RLF: variants seen among roughly 807,000 people sequenced by gnomAD.
RLF encodes the protein RLF zinc finger, also known as zinc finger protein Rlf.
RLF carries 7 observed loss-of-function variants against 162.9 expected under a neutral mutation model. The observed-to-expected ratio is 0.04, with a 90% CI of 0.02 to 0.08. The LOEUF (loss-of-function observed/expected upper bound fraction) is 0.08, where lower values mean the gene tolerates loss of function less well. Among genes scored for constraint, RLF ranks in the 10% least tolerant of loss-of-function variants. The probability of loss-of-function intolerance (pLI) is 1.00; values close to 1 mark genes in which losing one functional copy is unlikely to be tolerated. For missense variants in RLF, 1,664 were observed against 2,244.7 expected (o/e 0.74, Z 5.23); for synonymous variants, 782 against 791.5 (o/e 0.99, Z 0.20).
At chr1:40,206,438 T>TA (rs1642796001) in intron 5 of RLF, among the ~76,000 whole-genome samples, 1 of 152,194 alleles carries the variant, frequency 6.6e-6, no homozygotes, top group South Asian at 2.1e-4. Context: ...GTATTTACCT[T>TA]AGAGTTTATA....
chr1:40,163,588 T>G (rs1016262545), intron 1 of RLF, among the ~76,000 whole-genome samples: 1 of 152,210 alleles, frequency 6.6e-6, no homozygotes, highest in African/African-American at 2.4e-5. Flanking sequence ...GTAATTTGTC[T>G]TTTCTATGAA....
At chr1:40,231,032 C>T (rs1643145825) in intron 6 of RLF, among the ~76,000 whole-genome samples, 1 of 152,176 alleles carries the variant, frequency 6.6e-6, no homozygotes, top group South Asian at 2.1e-4. Context: ...AAACTACAGG[C>T]TCTAAGTAGC....
intron 6 of RLF, among the ~76,000 whole-genome samples, chr1:40,230,357 G>A (rs774477768): frequency 1.6e-4 from 24 of 152,196 alleles, no homozygotes; most frequent in Non-Finnish European, 3.4e-4. Flanking sequence ...TATTTAATCA[G>A]TATCCATTGA....
At chr1:40,195,555 G>A (rs1557746482) in intron 3 of RLF, 77 bp from the exon 4 acceptor site, 11 of 1,175,944 alleles carry the variant, frequency 9.4e-6, no homozygotes, top group Non-Finnish European at 1.3e-5. Flanking sequence ...ATTCCTAGGT[G>A]TATCAGATAT....
chr1:40,209,590 C>G (rs145319911), intron 5 of RLF, among the ~76,000 whole-genome samples: 1 of 152,222 alleles, frequency 6.6e-6, no homozygotes, highest in Non-Finnish European at 1.5e-5. Flanking sequence ...TAAAAGCAGT[C>G]ATATGGGCTG....
intron 1 of RLF, among the ~76,000 whole-genome samples, chr1:40,162,240 G>C (rs553585534): frequency 1.3e-5 from 2 of 151,672 alleles, no homozygotes; most frequent in African/African-American, 4.8e-5. Context: ...TTCTTTGAGA[G>C]GATTGTGCTA....
chr1:40,205,301 A>G lies in RLF; in HGVS notation c.810+2687A>G, dbSNP rs548069365. Among the ~76,000 whole-genome samples, 3 of 152,184 alleles carry G rather than the reference A, an allele frequency of 2.0e-5. No homozygotes were observed. The East Asian group carries it at 5.8e-4, about 29-fold the overall frequency. On this transcript the variant is annotated intron_variant, in intron 5 of 7. Coordinates refer to ENST00000372771, the MANE Select transcript of RLF (RefSeq NM_012421.4). ...CAGTAAGCTGAGATCACGCCACTGC[A>G]CTCCAGCCTGGGCAACAGAACAACA... is the stretch of plus-strand genomic sequence containing the variant.
chr1:40,239,528 G>C lies in RLF; in HGVS notation c.4826G>C (p.Cys1609Ser). The change falls in exon 8 of 8, where the codon TGT becomes TCT. Residue 1609 changes from cysteine (C) to serine (S), a missense_variant. By Grantham distance (112) the Cys-to-Ser change is moderately radical. Around this residue, in one of 15 missense-constraint regions of RLF, gnomAD observed 327 missense variants for 342.7 expected, o/e 0.95. Transcript: ENST00000372771. ...KEEPPSEADP[C>S]IKKEENRSCE... ...GAACCCCCTTCTGAAGCAGATCCCT[G>C]TATAAAGAAAGAAGAAAATAGAAGC... 1 of 1,614,030 alleles carries C rather than the reference G, an allele frequency of 6.2e-7. No individual in the cohort carries two copies. Among genetic ancestry groups the C allele is most frequent in the Non-Finnish European group, 8.5e-7 (1 of 1,180,020 alleles).
intron 5 of RLF, among the ~76,000 whole-genome samples, chr1:40,220,410 ACT>A (rs1570554231): frequency 6.6e-6 from 1 of 151,374 alleles, no homozygotes; most frequent in Non-Finnish European, 1.5e-5. Context: ...TTCTCAGTTC[ACT>A]CTCTCTTTGC....
intron 7 of RLF, among the ~76,000 whole-genome samples, chr1:40,235,204 G>A (rs1643202297): frequency 6.6e-6 from 1 of 151,830 alleles, no homozygotes; most frequent in Non-Finnish European, 1.5e-5. Context: ...TGGGATTACA[G>A]GCATGCACCA....
intron 1 of RLF, among the ~76,000 whole-genome samples, chr1:40,177,258 C>T (rs1388713826): frequency 6.6e-6 from 1 of 152,046 alleles, no homozygotes. Flanking sequence ...GCATGAGCCA[C>T]CACAACCGGC....
At chr1:40,190,887 A>G in intron 3 of RLF, 34 bp downstream of exon 3, 1 of 1,351,948 alleles carries the variant, frequency 7.4e-7, no homozygotes, top group Non-Finnish European at 1.0e-6. Flanking sequence ...AGTTTTCTGT[A>G]TCCAAGACAC....
intron 6 of RLF, among the ~76,000 whole-genome samples, chr1:40,231,042 C>A (rs1308806046): frequency 6.6e-6 from 1 of 152,128 alleles, no homozygotes; most frequent in Non-Finnish European, 1.5e-5. Flanking sequence ...CTCTAAGTAG[C>A]ATCCTGACAT....
intron 5 of RLF, among the ~76,000 whole-genome samples, chr1:40,204,120 A>G (rs1022415663): frequency 6.7e-6 from 1 of 149,954 alleles, no homozygotes; most frequent in Non-Finnish European, 1.5e-5. Context: ...GGTTCAAGCA[A>G]TTCTCCTGCC....
chr1:40,206,152 T>G (rs770834121), intron 5 of RLF, among the ~76,000 whole-genome samples: 2 of 152,232 alleles, frequency 1.3e-5, no homozygotes, highest in African/African-American at 2.4e-5. Context: ...GCTCTTGATA[T>G]TCCTGATATT....
At chr1:40,175,446 C>A (rs140753094) in intron 1 of RLF, among the ~76,000 whole-genome samples, 13,107 of 151,980 alleles carry the variant, frequency 0.086, 815 homozygotes, top group Non-Finnish European at 0.13. Context: ...GTCAGGAGTT[C>A]GAGACCAGCC....
intron 1 of RLF, among the ~76,000 whole-genome samples, chr1:40,167,600 A>G (rs1161332549): frequency 2.0e-5 from 3 of 151,984 alleles, no homozygotes; most frequent in Non-Finnish European, 4.4e-5. Flanking sequence ...AACGTGTTTT[A>G]TTTTCATTCA....
intron 1 of RLF, among the ~76,000 whole-genome samples, chr1:40,185,082 G>A (rs902628295): frequency 6.6e-6 from 1 of 151,760 alleles, no homozygotes; most frequent in Non-Finnish European, 1.5e-5. Context: ...CAAAAAAAAA[G>A]TTTTTTTTAA....
chr1:40,214,491 A>G (rs1187573512), intron 5 of RLF, among the ~76,000 whole-genome samples: 1 of 152,222 alleles, frequency 6.6e-6, no homozygotes, highest in East Asian at 1.9e-4. Flanking sequence ...TTGTGAAGTG[A>G]TCACAGAAGT....
Sources: allele counts gnomAD v4.1 joint callset (sites outside exome capture counted in the v4.1 genomes callset), GRCh38; gene constraint gnomAD v4.1.1; regional missense constraint gnomAD v4.1.1; transcripts MANE v1.5; gene names NCBI Gene and HGNC (gene_info 2026-07-23, HGNC 2026-07-21).